PHF24: variants seen among roughly 807,000 people sequenced by gnomAD.
The protein encoded by PHF24 is PHD finger protein 24.
Under a neutral mutation model 42.6 loss-of-function variants are expected in PHF24, and 25 were observed. That is an observed-to-expected ratio of 0.59 (90% CI 0.43 to 0.82). The LOEUF (loss-of-function observed/expected upper bound fraction) is 0.82, where lower values mean the gene tolerates loss of function less well. Among genes scored for constraint, PHF24 ranks in the 40% least tolerant of loss-of-function variants. PHF24 has a pLI of 0.00. For missense variants in PHF24, 470 were observed against 538.1 expected (o/e 0.87, Z 1.25); for synonymous variants, 185 against 204.8 (o/e 0.90, Z 0.83).
chr9:34,828,189 T>C, the PHF24 span, among the ~76,000 whole-genome samples: 1 of 151,976 alleles, frequency 6.6e-6, no homozygotes, highest in African/African-American at 2.4e-5. Flanking sequence ...GCCCACACTC[T>C]CTTATATGTA....
the PHF24 span, among the ~76,000 whole-genome samples, chr9:34,827,686 G>A: frequency 1.3e-5 from 2 of 152,102 alleles, no homozygotes; most frequent in East Asian, 3.9e-4. Context: ...CTCCTCTGTG[G>A]TAGGTCAGAA....
chr9:34,926,847 G>A, the PHF24 span, among the ~76,000 whole-genome samples: 46 of 152,308 alleles, frequency 3.0e-4, 1 homozygote, highest in Middle Eastern at 6.8e-3. This position sits in a 1 kb window ranked among gnomAD's most constrained non-coding sequence, Gnocchi z 4.3. Context: ...ACTAGTGGTG[G>A]CCCACAGAGC....
chr9:34,947,769 C>A, the PHF24 span, among the ~76,000 whole-genome samples: 6 of 152,084 alleles, frequency 3.9e-5, no homozygotes, highest in Non-Finnish European at 8.8e-5. Context: ...TTCGTGTCTT[C>A]ATTTTTAAGA....
At chr9:34,689,746 C>T in the PHF24 span, 1 of 1,578,202 alleles carries the variant, frequency 6.3e-7, no homozygotes, top group African/African-American at 1.3e-5. This position sits in a 1 kb window ranked among gnomAD's most constrained non-coding sequence, Gnocchi z 4.1. Context: ...CCTTCTGGTC[C>T]TCGGTTCCCC....
the PHF24 span, among the ~76,000 whole-genome samples, chr9:34,948,910 G>A: frequency 6.6e-6 from 1 of 152,144 alleles, no homozygotes; most frequent in Non-Finnish European, 1.5e-5. Context: ...AGACAAAGTA[G>A]ACTTCAGAAC....
chr9:34,928,248 C>T, the PHF24 span, among the ~76,000 whole-genome samples: 16 of 148,690 alleles, frequency 1.1e-4, no homozygotes, highest in African/African-American at 2.5e-4. Flanking sequence ...TACTCTTTGA[C>T]GGCACAACAG....
chr9:34,750,652 T>C, the PHF24 span, among the ~76,000 whole-genome samples: 1 of 152,088 alleles, frequency 6.6e-6, no homozygotes, highest in Non-Finnish European at 1.5e-5. Flanking sequence ...TGTTATAAGA[T>C]ATTATTTGCA....
At chr9:34,835,666 G>T in the PHF24 span, 236 of 1,551,388 alleles carry the variant, frequency 1.5e-4, 1 homozygote, top group East Asian at 2.0e-3. Flanking sequence ...CCGGAGCACA[G>T]CTGGCACTTG....
In PHF24 at chr9:34,978,307, G is replaced by T. The variant is rs912192640; in HGVS notation, c.*196G>T. ...GGCAGTGAATGCATTGCCACAAGGA[G>T]AAGCCCTGGGAGCTGTGGCAGCATC... On this transcript the variant is annotated 3_prime_UTR_variant, in exon 8 of 8. Transcript: ENST00000242315. 3 of 547,638 alleles carry T rather than the reference G, an allele frequency of 5.5e-6. No individual in the cohort carries two copies. The Admixed American group carries it at 9.4e-5, about 17-fold the overall frequency. 33.9% of individuals were successfully genotyped at this position (547,638 alleles called of 1,614,324 possible).
chr9:34,926,927 C>T, the PHF24 span, among the ~76,000 whole-genome samples: 1 of 151,960 alleles, frequency 6.6e-6, no homozygotes, highest in Non-Finnish European at 1.5e-5. The surrounding 1 kb of genome is among the most constrained non-coding windows in gnomAD (Gnocchi z 4.3). Flanking sequence ...CCGGGGGCAG[C>T]CTGAAGGAGT....
the PHF24 span, among the ~76,000 whole-genome samples, chr9:34,666,720 G>A: frequency 1.6e-3 from 247 of 152,246 alleles, 1 homozygote; most frequent in African/African-American, 5.6e-3. Context: ...GGCCGAGGTG[G>A]GTGGATCACG....
the PHF24 span, among the ~76,000 whole-genome samples, chr9:34,672,381 T>C: frequency 6.3e-3 from 958 of 152,342 alleles, 9 homozygotes; most frequent in African/African-American, 0.022. Context: ...AAATTTAGGC[T>C]TAAGGCTTCT....
At chr9:34,834,156 T>C in the PHF24 span, 4 of 1,541,656 alleles carry the variant, frequency 2.6e-6, no homozygotes, top group Admixed American at 7.9e-5. Context: ...CTTTCTGGAA[T>C]GCAGGGAAAA....
At chr9:34,815,901 C>T in the PHF24 span, among the ~76,000 whole-genome samples, 1 of 152,102 alleles carries the variant, frequency 6.6e-6, no homozygotes, top group Non-Finnish European at 1.5e-5. Flanking sequence ...AATTCTGATG[C>T]TCCTCAGGGG....
At chr9:34,926,618 G>A in the PHF24 span, among the ~76,000 whole-genome samples, 2 of 152,164 alleles carry the variant, frequency 1.3e-5, no homozygotes, top group African/African-American at 4.8e-5. The surrounding 1 kb of genome is among the most constrained non-coding windows in gnomAD (Gnocchi z 4.3). Context: ...GAGGTGGCCT[G>A]TGGGGCTGTT....
At chr9:34,813,637 T>C in the PHF24 span, among the ~76,000 whole-genome samples, 1 of 152,248 alleles carries the variant, frequency 6.6e-6, no homozygotes, top group African/African-American at 2.4e-5. Flanking sequence ...TCTCAGTATC[T>C]AAAGTCCACC....
chr9:34,746,843 G>T, the PHF24 span, among the ~76,000 whole-genome samples: 2,416 of 152,160 alleles, frequency 0.016, 62 homozygotes, highest in African/African-American at 0.055. Context: ...TTGGGTGTGG[G>T]CCCATCCTGT....
the PHF24 span, among the ~76,000 whole-genome samples, chr9:34,676,640 A>G: frequency 2.6e-5 from 4 of 152,334 alleles, no homozygotes; most frequent in South Asian, 8.3e-4. Context: ...CATTGTTATA[A>G]AGAAATACCT....
chr9:34,981,278 G>T lies in PHF24; in HGVS notation c.*3167G>T, dbSNP rs941528508. ...GGGATGTCACCCTGACCTTGCTTAA[G>T]TGGCCAAGTCTTAGGGTCCCCTTAT... On this transcript the variant is annotated 3_prime_UTR_variant, in exon 8 of 8. Transcript: ENST00000242315. 1.3e-5 allele frequency: 2 copies of T among 152,240 alleles called. 1 individual carries two copies. Among genetic ancestry groups the T allele is most frequent in the Admixed American group, 1.3e-4 (2 of 15,282 alleles). The allele number at this position is 152,240 out of a possible 1,614,324, so 9.4% of individuals were successfully genotyped here.
Sources: gnomAD v4.1 joint callset for allele counts (sites outside exome capture counted in the v4.1 genomes callset) on GRCh38, gnomAD v4.1.1 for gene constraint, Gnocchi (gnomAD v3.1) non-coding constraint, MANE v1.5 for transcripts, NCBI Gene and HGNC (gene_info 2026-07-23, HGNC 2026-07-21) for gene names.